Variants in APOL4 observed in about 807,000 individuals in gnomAD.
The protein encoded by APOL4 is apolipoprotein L, 4.
APOL4 carries 14 observed loss-of-function variants against 12.1 expected under a neutral mutation model. The observed-to-expected ratio is 1.16, with a 90% CI of 0.76 to 1.81. The LOEUF (loss-of-function observed/expected upper bound fraction) is 1.81. Ranked by LOEUF, APOL4 falls within the 40% of genes most tolerant of loss-of-function variation. The pLI, the probability that APOL4 is intolerant of heterozygous loss-of-function variation, is 0.00. For synonymous variants in APOL4, 171 were observed against 160.6 expected, an observed-to-expected ratio of 1.06 and a Z score of -0.49; for missense variants, 432 against 423.1, an observed-to-expected ratio of 1.02 and a Z score of -0.18.
At position 36,191,202 on chromosome 22, in the gene APOL4, T is replaced by C; in HGVS notation, c.920A>G (p.Gln307Arg). The change falls in exon 4 of 4, where the codon CAA (glutamine) becomes CGA (arginine). Residue 307 changes from glutamine (Q) to arginine (R), a missense_variant. Physicochemically the swap from Gln to Arg is conservative, Grantham distance 43. Coordinates refer to ENST00000683024, the MANE Select transcript of APOL4 (RefSeq NM_001386885.1). Reference sequence around the variant, plus strand: ...CCCCTTGTGCAAGTCCAGTGAGTCTTGCACAAGGTTGACTACATCCAGCAC... The same window carrying C: ...CCCCTTGTGCAAGTCCAGTGAGTCTCGCACAAGGTTGACTACATCCAGCAC... ...LVVLDVVNLV[Q>R]DSLDLHKGAK... 1.2e-6 allele frequency: 2 copies of C among 1,613,918 alleles called. No individual in the cohort carries two copies. Among genetic ancestry groups the C allele is most frequent in the Non-Finnish European group, 1.7e-6 (2 of 1,179,852 alleles).
At chr22:36,197,498 A>G (rs2014445268) in intron 2 of APOL4, 3 of 1,260,712 alleles carry the variant, frequency 2.4e-6, no homozygotes, top group Non-Finnish European at 3.1e-6. Context: ...GGGGATGGTG[A>G]ATATTAAAGC....
chr22:36,199,960 G>C (rs961926039), intron 1 of APOL4, among the ~76,000 whole-genome samples: 1 of 152,002 alleles, frequency 6.6e-6, no homozygotes, highest in African/African-American at 2.4e-5. Context: ...GGTGCCCGTC[G>C]CCACATTCGG....
intron 1 of APOL4, among the ~76,000 whole-genome samples, chr22:36,200,160 G>A (rs986898063): frequency 2.0e-5 from 3 of 152,104 alleles, no homozygotes; most frequent in Non-Finnish European, 2.9e-5. Context: ...CACACAGCCC[G>A]GGAGATGGGT....
intron 3 of APOL4, among the ~76,000 whole-genome samples, chr22:36,194,536 G>A (rs917503410): frequency 4.8e-4 from 73 of 152,260 alleles, no homozygotes; most frequent in African/African-American, 1.7e-3. Context: ...GCGGCATCAT[G>A]CTATTTGGTT....
At chr22:36,203,812 C>A (rs1308671094), upstream of APOL4, among the ~76,000 whole-genome samples, 1 of 152,250 alleles carries the variant, frequency 6.6e-6, no homozygotes, top group Non-Finnish European at 1.5e-5. Flanking sequence ...TTCGTTCTGG[C>A]AGTCCAACCT....
In APOL4 at chr22:36,191,665, TGACA is replaced by T; in HGVS notation, c.453_456del (p.Val152LeufsTer12). ...GTAAATGGTGCCAACATAACGCCAA[TGACA>T]GACAGGATGCCAGTGGAGCCAGACA... On this transcript the variant is annotated frameshift_variant, in exon 4 of 4. Coordinates refer to ENST00000683024, the MANE Select transcript of APOL4 (RefSeq NM_001386885.1). LOFTEE classifies it low-confidence loss of function (END_TRUNC). The T allele has an allele frequency of 6.2e-7, 1 of 1,614,018 alleles. No individual in the cohort carries two copies. Among genetic ancestry groups the T allele is most frequent in the South Asian group, 1.1e-5 (1 of 91,086 alleles).
Position 36,191,114 on chromosome 22 carries a change from A to T in APOL4, c.1008T>A (p.Asn336Lys). 1.2e-6 allele frequency: 2 copies of T among 1,609,638 alleles called. No individual in the cohort carries two copies. The highest frequency in any genetic ancestry group is 8.5e-7 in the Non-Finnish European group (1 of 1,177,824). Residue 336 changes from asparagine to lysine, a missense_variant, in exon 4 of 4, where the codon AAT becomes AAA. Coordinates refer to ENST00000683024, the MANE Select transcript of APOL4 (RefSeq NM_001386885.1). Reference protein sequence around the residue: ...QWAQELEENLNELTHIHQSLK... With the variant: ...QWAQELEENLKELTHIHQSLK... Reference sequence around the variant, plus strand: ...GACTCTGATGGATATGGGTGAGCTCATTGAGATTCTCCTCCAGCTCCTGAG... The same window carrying T: ...GACTCTGATGGATATGGGTGAGCTCTTTGAGATTCTCCTCCAGCTCCTGAG...
At chr22:36,197,584 C>G in intron 2 of APOL4, 2 of 1,471,920 alleles carry the variant, frequency 1.4e-6, no homozygotes, top group Admixed American at 4.9e-5. Flanking sequence ...CAGCTGTAAC[C>G]CCCCATGAAA....
In APOL4 at chr22:36,191,209, G is replaced by A. The variant is rs774877860; in HGVS notation, c.913C>T (p.Leu305Phe). 1 of 1,613,970 alleles carries A rather than the reference G, an allele frequency of 6.2e-7. No homozygotes were observed. Among genetic ancestry groups the A allele is most frequent in the Non-Finnish European group, 8.5e-7 (1 of 1,179,880 alleles). Residue 305 changes from leucine to phenylalanine, a missense_variant, in exon 4 of 4, where the codon CTT becomes TTT. Transcript: ENST00000683024. ...TGCAAGTCCAGTGAGTCTTGCACAA[G>A]GTTGACTACATCCAGCACAACAAGG... is the stretch of plus-strand genomic sequence containing the variant. ...GVLVVLDVVN[L>F]VQDSLDLHKG...
intron 2 of APOL4, among the ~76,000 whole-genome samples, chr22:36,198,915 G>T (rs573101376): frequency 2.6e-5 from 4 of 152,252 alleles, no homozygotes; most frequent in African/African-American, 9.6e-5. Flanking sequence ...AACACCCCAG[G>T]GTCAGCCAGG....
Position 36,199,350 on chromosome 22 carries a change from G to A in APOL4, c.62C>T (p.Thr21Ile). Reference protein sequence around the residue: ...VGVQQNHPGWTVAGQFQEKKR... With the variant: ...VGVQQNHPGWIVAGQFQEKKR... ...CTTACCTTGGAACTGTCCAGCCACT[G>A]TCCAGCCTGGATGGTTTTGCTGCAC... The change falls in exon 2 of 4, where the codon ACA (threonine) becomes ATA (isoleucine). Residue 21 changes from threonine (T) to isoleucine (I), a missense_variant. Physicochemically the swap from Thr to Ile is moderately conservative, Grantham distance 89. Transcript: ENST00000683024. 1 of 1,614,118 alleles carries A rather than the reference G, an allele frequency of 6.2e-7. No homozygotes were observed. Among genetic ancestry groups the A allele is most frequent in the Non-Finnish European group, 8.5e-7 (1 of 1,179,924 alleles).
chr22:36,204,601 A>G (rs1812024), upstream of APOL4: 129,781 of 420,486 alleles, frequency 0.31, 22,097 homozygotes, highest in African/African-American at 0.42. Context: ...AAGGAGATGG[A>G]GGGAGGTCAC....
intron 3 of APOL4, among the ~76,000 whole-genome samples, chr22:36,193,202 T>C (rs1288136198): frequency 6.6e-6 from 1 of 152,114 alleles, no homozygotes; most frequent in Non-Finnish European, 1.5e-5. Flanking sequence ...CACTCTGGTG[T>C]CTCCTGTCAG....
chr22:36,195,146 C>T lies in APOL4; in HGVS notation c.209+165G>A, dbSNP rs1036904367. ...TCAGCCTGAGGTCACTCACTGCCAG[C>T]GAAGCACTTGGAGGAAATATTCTTC... On this transcript the variant is annotated intron_variant, in intron 3 of 3. Coordinates refer to ENST00000683024, the MANE Select transcript of APOL4 (RefSeq NM_001386885.1). 12 of 887,440 alleles carry T rather than the reference C, an allele frequency of 1.4e-5. No homozygotes were observed. In the East Asian group the frequency reaches 2.0e-4, roughly 15 times the overall value. 55.0% of individuals were successfully genotyped at this position (887,440 alleles called of 1,614,324 possible).
intron 1 of APOL4, among the ~76,000 whole-genome samples, chr22:36,201,009 A>G (rs2014555480): frequency 6.6e-6 from 1 of 152,224 alleles, no homozygotes; most frequent in Admixed American, 6.5e-5. Context: ...AGGGTATAAG[A>G]AAGTTGTAAG....
At chr22:36,194,278 C>T (rs1176059526) in intron 3 of APOL4, among the ~76,000 whole-genome samples, 1 of 152,152 alleles carries the variant, frequency 6.6e-6, no homozygotes, top group Non-Finnish European at 1.5e-5. Flanking sequence ...GGGAAACAGT[C>T]ACCCATGGCC....
At chr22:36,201,914 C>T (rs1313617060), upstream of APOL4, 11 of 1,610,354 alleles carry the variant, frequency 6.8e-6, no homozygotes, top group Non-Finnish European at 9.3e-6. Context: ...TGGCTCCTGG[C>T]CCAGCCCAAG....
upstream of APOL4, chr22:36,202,227 C>T (rs1390103984): frequency 3.1e-5 from 26 of 840,348 alleles, no homozygotes; most frequent in Middle Eastern, 3.7e-4. Flanking sequence ...CTCCTTCAAC[C>T]TTCTGAGTAG....
intron 2 of APOL4, chr22:36,197,754 C>T (rs2014455073): frequency 6.4e-7 from 1 of 1,550,520 alleles, no homozygotes; most frequent in Non-Finnish European, 8.7e-7. Flanking sequence ...CTCCAGGCAG[C>T]AGGTTCACAT....
Sources: gnomAD v4.1 joint callset for allele counts (sites outside exome capture counted in the v4.1 genomes callset) on GRCh38, gnomAD v4.1.1 for gene constraint, MANE v1.5 for transcripts, NCBI Gene and HGNC (gene_info 2026-07-23, HGNC 2026-07-21) for gene names.